The following COMMD10 variants were observed in gnomAD, a reference collection of about 807,000 sequenced individuals.
COMMD10 encodes COMM domain containing 10.
A neutral mutation model predicts 28.9 loss-of-function variants in COMMD10; 33 were observed. That is an observed-to-expected ratio of 1.14 (90% CI 0.87 to 1.53). The LOEUF (loss-of-function observed/expected upper bound fraction) is 1.53, where lower values mean the gene tolerates loss of function less well. COMMD10 is among the 40% of genes most tolerant of loss of function. The probability of loss-of-function intolerance (pLI) is 0.00; values close to 1 mark genes in which losing one functional copy is unlikely to be tolerated. For synonymous variants in COMMD10, 110 were observed against 81.7 expected, an observed-to-expected ratio of 1.35 and a Z score of -1.87; for missense variants, 310 against 233.4, an observed-to-expected ratio of 1.33 and a Z score of -2.14.
chr5:116,186,419 G>A (rs759311728), intron 5 of COMMD10, among the ~76,000 whole-genome samples: 6 of 151,932 alleles, frequency 3.9e-5, no homozygotes, highest in Non-Finnish European at 7.4e-5. Flanking sequence ...TTCATTTCAT[G>A]AAATACAGTT....
chr5:116,277,440 A>C lies in COMMD10; in HGVS notation c.511-14077A>C, dbSNP rs745901815. Among the ~76,000 whole-genome samples, 60 of 152,008 alleles carry C rather than the reference A, an allele frequency of 3.9e-4. 1 individual carries two copies. The highest frequency in any genetic ancestry group is 1.7e-3 in the Admixed American group (26 of 15,256). On this transcript the variant is annotated intron_variant, in intron 5 of 6. Transcript: ENST00000274458. ...GTTGGAAGAGCCTCATTAGAGGTTAAAATTTTCTTCTGGATAGTTACTGCC... is the reference window on the plus strand; with the variant it reads ...GTTGGAAGAGCCTCATTAGAGGTTACAATTTTCTTCTGGATAGTTACTGCC...
chr5:116,094,602 A>C (rs1042389027), intron 4 of COMMD10, among the ~76,000 whole-genome samples: 1 of 152,222 alleles, frequency 6.6e-6, no homozygotes, highest in Non-Finnish European at 1.5e-5. Context: ...ATTAGGGAAA[A>C]GCAGTGTGGA....
chr5:116,217,070 T>A (rs1749122258), intron 5 of COMMD10, among the ~76,000 whole-genome samples: 1 of 152,024 alleles, frequency 6.6e-6, no homozygotes, highest in Non-Finnish European at 1.5e-5. Context: ...CTTTACATAT[T>A]TTTATAAAAT....
chr5:116,098,583 A>T (rs762151736), intron 4 of COMMD10, among the ~76,000 whole-genome samples: 6 of 152,236 alleles, frequency 3.9e-5, no homozygotes, highest in Admixed American at 6.5e-5. Context: ...TCTAGAGATG[A>T]TTTAAAGTAT....
At chr5:116,261,698 C>T (rs1580593564) in intron 5 of COMMD10, among the ~76,000 whole-genome samples, 1 of 151,636 alleles carries the variant, frequency 6.6e-6, no homozygotes, top group African/African-American at 2.4e-5. Flanking sequence ...CTTCCTCATT[C>T]CTATCAACAA....
At chr5:116,092,507 A>G (rs1750330917) in intron 3 of COMMD10, 38 bp from the exon 4 acceptor site, 5 of 1,467,594 alleles carry the variant, frequency 3.4e-6, no homozygotes, top group Non-Finnish European at 2.8e-6. Context: ...CAGTATGAAG[A>G]TGAGGGACAT....
At chr5:116,137,649 A>G (rs934067146) in intron 5 of COMMD10, among the ~76,000 whole-genome samples, 2 of 151,942 alleles carry the variant, frequency 1.3e-5, no homozygotes, top group African/African-American at 4.8e-5. Flanking sequence ...TACGGTTTAT[A>G]AGGAGCTCCT....
chr5:116,201,246 C>T lies in COMMD10; in HGVS notation c.510+67068C>T, dbSNP rs144664732. Reference sequence around the variant, plus strand: ...CCTTGGTAAGAAGCACAGAGTGATCCGGCATATTTTAAAAATGGCGTGTCC... The same window carrying T: ...CCTTGGTAAGAAGCACAGAGTGATCTGGCATATTTTAAAAATGGCGTGTCC... On this transcript the variant is annotated intron_variant, in intron 5 of 6. Coordinates refer to ENST00000274458, the MANE Select transcript of COMMD10 (RefSeq NM_016144.4). Among the ~76,000 whole-genome samples, 15 of 152,228 alleles carry T rather than the reference C, an allele frequency of 9.9e-5. 1 individual carries two copies. The highest frequency in any genetic ancestry group is 2.4e-4 in the African/African-American group (10 of 41,550).
At chr5:116,212,501 T>TGTGTGTGTGTGTGTGTGTGTGTGTGTGG (rs1748992551) in intron 5 of COMMD10, among the ~76,000 whole-genome samples, 1 of 142,908 alleles carries the variant, frequency 7.0e-6, no homozygotes, top group African/African-American at 2.5e-5. Context: ...AAATGCTGTG[T>TGTGTGTGTGTGTGTGTGTGTGTGTGTGG]GTGTGTGTGT....
chr5:116,162,672 T>A (rs1027774797), intron 5 of COMMD10, among the ~76,000 whole-genome samples: 1 of 152,186 alleles, frequency 6.6e-6, no homozygotes, highest in Non-Finnish European at 1.5e-5. Flanking sequence ...ACACTATAAT[T>A]AGCAACAAAG....
At chr5:116,123,548 T>C (rs1002639785) in intron 4 of COMMD10, among the ~76,000 whole-genome samples, 2 of 152,200 alleles carry the variant, frequency 1.3e-5, no homozygotes, top group African/African-American at 4.8e-5. Flanking sequence ...GTCGTGTCTC[T>C]GTCAGGCTTT....
intron 5 of COMMD10, among the ~76,000 whole-genome samples, chr5:116,204,993 A>G (rs944668095): frequency 6.6e-6 from 1 of 152,122 alleles, no homozygotes; most frequent in African/African-American, 2.4e-5. Context: ...TTAAAGGTGC[A>G]TGATAAAACT....
chr5:116,244,774 G>A (rs1191417030), intron 5 of COMMD10, among the ~76,000 whole-genome samples: 1 of 151,068 alleles, frequency 6.6e-6, no homozygotes, highest in African/African-American at 2.4e-5. Context: ...GAAGTTACTT[G>A]AAACTGCTGA....
intron 5 of COMMD10, among the ~76,000 whole-genome samples, chr5:116,288,351 C>T (rs1027935649): frequency 2.0e-5 from 3 of 151,784 alleles, no homozygotes; most frequent in Non-Finnish European, 4.4e-5. Context: ...TGATAAATCA[C>T]TTTTCTCTTG....
At chr5:116,216,400 A>G (rs980918245) in intron 5 of COMMD10, among the ~76,000 whole-genome samples, 2 of 152,218 alleles carry the variant, frequency 1.3e-5, no homozygotes, top group African/African-American at 2.4e-5. Context: ...AACAAATCTG[A>G]TGTTGTCATA....
intron 5 of COMMD10, among the ~76,000 whole-genome samples, chr5:116,245,230 A>G (rs963802072): frequency 6.6e-6 from 1 of 152,108 alleles, no homozygotes; most frequent in Non-Finnish European, 1.5e-5. Flanking sequence ...CCGTGCACAT[A>G]AACTAGAACA....
chr5:116,205,942 C>A (rs1001445575), intron 5 of COMMD10, among the ~76,000 whole-genome samples: 6 of 151,374 alleles, frequency 4.0e-5, no homozygotes, highest in African/African-American at 1.5e-4. Context: ...TCCACTGATT[C>A]TTTTTCCTCC....
At chr5:116,090,667 C>T (rs903194773) in intron 2 of COMMD10, among the ~76,000 whole-genome samples, 16 of 152,220 alleles carry the variant, frequency 1.1e-4, no homozygotes, top group African/African-American at 3.9e-4. Flanking sequence ...GGCATGTAGG[C>T]AGCTTCAAGA....
chr5:116,214,819 A>G (rs1390189951), intron 5 of COMMD10, among the ~76,000 whole-genome samples: 1 of 152,090 alleles, frequency 6.6e-6, no homozygotes, highest in Non-Finnish European at 1.5e-5. Context: ...TTCTTTTTAT[A>G]ATCAAAGCAG....
Sources: gnomAD v4.1 joint callset for allele counts (sites outside exome capture counted in the v4.1 genomes callset) on GRCh38, gnomAD v4.1.1 for gene constraint, MANE v1.5 for transcripts, NCBI Gene and HGNC (gene_info 2026-07-23, HGNC 2026-07-21) for gene names.